Variants in PDGFD observed in about 807,000 individuals in gnomAD.
PDGFD encodes platelet derived growth factor D.
In PDGFD, 30 loss-of-function variants were observed where a neutral mutation model predicts 44.7. The observed-to-expected ratio is 0.67, with a 90% confidence interval of 0.50 to 0.91. The LOEUF is 0.91. Among genes scored for constraint, PDGFD ranks in the 40% least tolerant of loss-of-function variants. The pLI is 0.00. For missense variants in PDGFD, 445 were observed against 457.8 expected (o/e 0.97, Z 0.25); for synonymous variants, 173 against 168.4 (o/e 1.03, Z -0.21).
chr11:104,151,880 T>C (rs1445689117), intron 1 of PDGFD, among the ~76,000 whole-genome samples: 2 of 152,112 alleles, frequency 1.3e-5, no homozygotes, highest in Non-Finnish European at 2.9e-5. Context: ...GGATAGATAA[T>C]TTGTGGCTAT....
chr11:103,998,124 T>C (rs1859563421), intron 2 of PDGFD, among the ~76,000 whole-genome samples: 1 of 152,186 alleles, frequency 6.6e-6, no homozygotes, highest in East Asian at 1.9e-4. Flanking sequence ...ATATATTTGG[T>C]CTTTGTTCCT....
intron 5 of PDGFD, among the ~76,000 whole-genome samples, chr11:103,943,082 A>G (rs542208501): frequency 6.6e-6 from 1 of 152,270 alleles, no homozygotes; most frequent in South Asian, 2.1e-4. Flanking sequence ...AAGTGCTGTG[A>G]AACATGACAA....
In PDGFD at chr11:104,082,137, C is replaced by CAT. The variant is rs937501432; in HGVS notation, c.124+81665_124+81666dup. On this transcript the variant is annotated intron_variant, in intron 1 of 6. Transcript: ENST00000393158. ...TTGTTGATGTCCATATACATACATA[C>CAT]ATATATATATATGAAAAACAAAGTC... 1.8e-4 allele frequency among the ~76,000 whole-genome samples: 22 copies of CAT among 123,206 alleles called. 2 individuals are homozygous for CAT. Among genetic ancestry groups the CAT allele is most frequent in the Non-Finnish European group, 2.6e-4 (16 of 60,930 alleles). The allele number at this position is 123,206 out of a possible 152,430, so 80.8% of individuals were successfully genotyped here. A position where few individuals can be genotyped will look rare whatever the true frequency, so the allele number is the denominator to read the frequency against.
intron 1 of PDGFD, among the ~76,000 whole-genome samples, chr11:104,016,822 G>T (rs1859864919): frequency 6.6e-6 from 1 of 152,214 alleles, no homozygotes; most frequent in Non-Finnish European, 1.5e-5. Flanking sequence ...GTGTAAAGGT[G>T]GGATTGGCAG....
chr11:103,943,006 G>A (rs1232905781), intron 5 of PDGFD, among the ~76,000 whole-genome samples: 1 of 151,998 alleles, frequency 6.6e-6, no homozygotes, highest in Non-Finnish European at 1.5e-5. Context: ...TCTTTCACGG[G>A]ACCAAACCCT....
At chr11:104,075,750 T>C (rs1860948076) in intron 1 of PDGFD, among the ~76,000 whole-genome samples, 1 of 152,186 alleles carries the variant, frequency 6.6e-6, no homozygotes, top group Non-Finnish European at 1.5e-5. Flanking sequence ...CTGGTATCTG[T>C]CTCTCCCATG....
At chr11:104,053,190 G>A (rs1277207062) in intron 1 of PDGFD, among the ~76,000 whole-genome samples, 1 of 151,938 alleles carries the variant, frequency 6.6e-6, no homozygotes, top group Non-Finnish European at 1.5e-5. Flanking sequence ...TGGGGGAGGG[G>A]AAAAAAGGTC....
intron 3 of PDGFD, among the ~76,000 whole-genome samples, chr11:103,988,024 A>G (rs1219148786): frequency 6.6e-6 from 1 of 152,158 alleles, no homozygotes; most frequent in Admixed American, 6.6e-5. Context: ...ATATTTGTTG[A>G]ATTTATAAGT....
intron 3 of PDGFD, among the ~76,000 whole-genome samples, chr11:103,962,468 C>T (rs1858952626): frequency 6.6e-6 from 1 of 151,970 alleles, no homozygotes; most frequent in Admixed American, 6.6e-5. Context: ...TACAAATGGC[C>T]CTGGATGGCT....
intron 1 of PDGFD, among the ~76,000 whole-genome samples, chr11:104,160,957 A>T (rs1309673497): frequency 6.6e-6 from 1 of 152,182 alleles, no homozygotes; most frequent in Non-Finnish European, 1.5e-5. Context: ...GGCATAGTAT[A>T]TCAAGAAGTT....
At chr11:104,119,621 GTATTATATTAATATA>G (rs1310673530) in intron 1 of PDGFD, among the ~76,000 whole-genome samples, 1 of 80,080 alleles carries the variant, frequency 1.2e-5, no homozygotes, top group Non-Finnish European at 2.1e-5. Flanking sequence ...AATATATTAT[GTATTATATTAATATA>G]TAATATATTA....
At chr11:104,129,145 T>C (rs1861880816) in intron 1 of PDGFD, among the ~76,000 whole-genome samples, 1 of 151,976 alleles carries the variant, frequency 6.6e-6, no homozygotes, top group Non-Finnish European at 1.5e-5. Context: ...CAGAGCATAA[T>C]ACAGAGCTCT....
At chr11:103,973,481 G>A (rs147219531) in intron 3 of PDGFD, among the ~76,000 whole-genome samples, 1 of 152,190 alleles carries the variant, frequency 6.6e-6, no homozygotes, top group East Asian at 1.9e-4. Flanking sequence ...CAACTTAAGA[G>A]GTAATGCTTG....
intron 3 of PDGFD, among the ~76,000 whole-genome samples, chr11:103,979,474 C>G (rs181264421): frequency 6.6e-6 from 1 of 152,198 alleles, no homozygotes; most frequent in Non-Finnish European, 1.5e-5. Flanking sequence ...TTGACTCAGG[C>G]AACTATCTGG....
intron 1 of PDGFD, among the ~76,000 whole-genome samples, chr11:104,048,221 A>T (rs1417806415): frequency 6.6e-6 from 1 of 152,124 alleles, no homozygotes; most frequent in African/African-American, 2.4e-5. Flanking sequence ...TGAGGGTGAC[A>T]TACTGACCCA....
chr11:103,968,398 T>C (rs1451718914), intron 3 of PDGFD, among the ~76,000 whole-genome samples: 3 of 152,200 alleles, frequency 2.0e-5, no homozygotes, highest in African/African-American at 7.2e-5. Context: ...GATAAGCTCC[T>C]TAAACTCAAC....
chr11:103,978,333 T>C (rs900651633), intron 3 of PDGFD, among the ~76,000 whole-genome samples: 22 of 152,022 alleles, frequency 1.4e-4, no homozygotes, highest in African/African-American at 5.1e-4. Flanking sequence ...ACATTGTCTT[T>C]CAAAATGGCC....
chr11:103,916,191 G>A (rs1052157299), intron 6 of PDGFD, among the ~76,000 whole-genome samples: 5 of 151,866 alleles, frequency 3.3e-5, no homozygotes, highest in Non-Finnish European at 5.9e-5. Context: ...GCAATCTATC[G>A]ATCTGACAAA....
intron 1 of PDGFD, among the ~76,000 whole-genome samples, chr11:104,126,257 C>T (rs1186502317): frequency 6.6e-6 from 1 of 152,160 alleles, no homozygotes; most frequent in African/African-American, 2.4e-5. Context: ...GCTGGAGGCA[C>T]AAACTCTCCT....
Sources: allele counts gnomAD v4.1 joint callset (sites outside exome capture counted in the v4.1 genomes callset), GRCh38; gene constraint gnomAD v4.1.1; transcripts MANE v1.5; gene names NCBI Gene and HGNC (gene_info 2026-07-23, HGNC 2026-07-21).